The following DLGAP2 variants were observed in gnomAD, a reference collection of about 807,000 sequenced individuals.
DLGAP2 encodes the protein disks large-associated protein 2.
Under a neutral mutation model 100.3 loss-of-function variants are expected in DLGAP2, and 26 were observed. The observed-to-expected ratio is 0.26, with a 90% CI of 0.19 to 0.36. The LOEUF is 0.36. Among genes scored for constraint, DLGAP2 ranks in the 10% least tolerant of loss-of-function variants. DLGAP2 has a pLI of 1.00. For missense variants in DLGAP2, 1,858 were observed against 1,453.2 expected (o/e 1.28, Z -4.53); for synonymous variants, 886 against 630.1 (o/e 1.41, Z -6.08).
In DLGAP2 at chr8:770,873, C is replaced by CTT. The variant is rs33945325; in HGVS notation, c.18+33059_18+33060dup. Among the ~76,000 whole-genome samples the CTT allele has an allele frequency of 2.9e-3, 431 of 147,920 alleles. 3 individuals carry two copies. Among genetic ancestry groups the CTT allele is most frequent in the Middle Eastern group, 0.01 (3 of 288 alleles). ...TAATTTTGGTTTAGAAATTATGCCT[C>CTT]TTTTTTTTTTTTAAAGTAGAAGGAC... is the stretch of plus-strand genomic sequence containing the variant. On this transcript the variant is annotated intron_variant, in intron 1 of 14. Coordinates refer to ENST00000637795, the MANE Select transcript of DLGAP2 (RefSeq NM_001346810.2).
At chr8:987,582 A>G (rs574534217) in intron 2 of DLGAP2, among the ~76,000 whole-genome samples, 3 of 152,300 alleles carry the variant, frequency 2.0e-5, no homozygotes, top group African/African-American at 7.2e-5. Flanking sequence ...AAACTCAGCC[A>G]GCAAACAAAA....
At chr8:1,036,919 C>A (rs954351156) in intron 2 of DLGAP2, among the ~76,000 whole-genome samples, 1 of 152,008 alleles carries the variant, frequency 6.6e-6, no homozygotes, top group African/African-American at 2.4e-5. Flanking sequence ...AAGGTGTGAC[C>A]CCCTCCCGGC....
chr8:966,368 T>C (rs1799871300), intron 2 of DLGAP2, among the ~76,000 whole-genome samples: 1 of 152,194 alleles, frequency 6.6e-6, no homozygotes, highest in Non-Finnish European at 1.5e-5. Context: ...TAAGATGATT[T>C]TTTAAAATAT....
rs911111784 is a variant in DLGAP2 at position 1,155,351 on chromosome 8, A to T, written c.74-103500A>T. ...AGTCCCACCGCTTCCTGCGAGGGGCATCCGGGCTGGGGGGTCTCCCCGGAT... is the reference window on the plus strand; with the variant it reads ...AGTCCCACCGCTTCCTGCGAGGGGCTTCCGGGCTGGGGGGTCTCCCCGGAT... On this transcript the variant is annotated intron_variant, in intron 2 of 14. Coordinates refer to ENST00000637795, the MANE Select transcript of DLGAP2 (RefSeq NM_001346810.2). 1.2e-4 allele frequency among the ~76,000 whole-genome samples: 19 copies of T among 152,150 alleles called. 1 individual carries two copies. The highest frequency in any genetic ancestry group is 3.6e-4 in the African/African-American group (15 of 41,442).
At chr8:942,541 T>C (rs759940519) in intron 2 of DLGAP2, among the ~76,000 whole-genome samples, 6 of 152,248 alleles carry the variant, frequency 3.9e-5, no homozygotes, top group Admixed American at 6.5e-5. Flanking sequence ...CTAAACTCCA[T>C]AGATGACTTT....
At chr8:1,316,511 C>G (rs1242334047) in intron 3 of DLGAP2, among the ~76,000 whole-genome samples, 1 of 128,744 alleles carries the variant, frequency 7.8e-6, no homozygotes, top group Non-Finnish European at 1.7e-5. Context: ...CAACAGTGGT[C>G]TACACTCGAG....
chr8:893,582 GC>G (rs1318194729), intron 1 of DLGAP2, among the ~76,000 whole-genome samples: 2 of 152,212 alleles, frequency 1.3e-5, no homozygotes, highest in Non-Finnish European at 2.9e-5. Context: ...ATCCAGTGTG[GC>G]CCTGGGGCCG....
intron 3 of DLGAP2, among the ~76,000 whole-genome samples, chr8:1,467,870 A>G (rs1798668949): frequency 6.6e-6 from 1 of 150,698 alleles, no homozygotes; most frequent in African/African-American, 2.5e-5. Flanking sequence ...GAGATCCCAG[A>G]TCCCCCCTGG....
At chr8:1,209,108 A>T (rs1798053243) in intron 2 of DLGAP2, among the ~76,000 whole-genome samples, 1 of 152,154 alleles carries the variant, frequency 6.6e-6, no homozygotes. Flanking sequence ...TATCATTCCT[A>T]TCAAAATACC....
At chr8:1,501,217 C>A in intron 3 of DLGAP2, 149 bp from the exon 4 acceptor site, 1 of 783,742 alleles carries the variant, frequency 1.3e-6, no homozygotes, top group Admixed American at 2.6e-5. Flanking sequence ...GCACAAAATG[C>A]TGGGCTCTGA....
In DLGAP2 at chr8:1,102,801, C is replaced by A. The variant is rs534212232; in HGVS notation, c.74-156050C>A. 7.2e-5 allele frequency among the ~76,000 whole-genome samples: 11 copies of A among 151,972 alleles called. No individual in the cohort carries two copies. In the East Asian group the frequency reaches 1.8e-3, roughly 24 times the overall value. On this transcript the variant is annotated intron_variant, in intron 2 of 14. Coordinates refer to ENST00000637795, the MANE Select transcript of DLGAP2 (RefSeq NM_001346810.2). ...GAGAAAAAGGGGAAGAAAACACAGCCCTGGGGGAGGTGACGGGGCAGAAAA... is the reference window on the plus strand; with the variant it reads ...GAGAAAAAGGGGAAGAAAACACAGCACTGGGGGAGGTGACGGGGCAGAAAA...
At chr8:1,106,256 A>G (rs1360181775) in intron 2 of DLGAP2, among the ~76,000 whole-genome samples, 1 of 148,636 alleles carries the variant, frequency 6.7e-6, no homozygotes, top group Non-Finnish European at 1.5e-5. Flanking sequence ...TTTTCTATTG[A>G]AGGAGGGCAT....
chr8:1,000,949 T>C (rs947980116), intron 2 of DLGAP2, among the ~76,000 whole-genome samples: 2 of 152,126 alleles, frequency 1.3e-5, no homozygotes, highest in Admixed American at 1.3e-4. Flanking sequence ...GAAACTCCCC[T>C]CCAGGGATTT....
chr8:1,694,033 G>T (rs561633369), intron 13 of DLGAP2, among the ~76,000 whole-genome samples: 1 of 152,198 alleles, frequency 6.6e-6, no homozygotes, highest in Non-Finnish European at 1.5e-5. Context: ...AGCCCAAGGT[G>T]CATATTCAGA....
intron 1 of DLGAP2, among the ~76,000 whole-genome samples, chr8:874,539 A>G (rs1797655159): frequency 6.6e-6 from 1 of 152,158 alleles, no homozygotes; most frequent in South Asian, 2.1e-4. Context: ...TTGATTTCTA[A>G]TTTGATTCCA....
chr8:928,668 C>G (rs1171940129), intron 2 of DLGAP2, among the ~76,000 whole-genome samples: 1 of 152,112 alleles, frequency 6.6e-6, no homozygotes, highest in Non-Finnish European at 1.5e-5. Flanking sequence ...ACAGGTCCTC[C>G]TCTGCCCTTT....
At chr8:1,304,274 C>A (rs890677590) in intron 3 of DLGAP2, among the ~76,000 whole-genome samples, 5 of 152,226 alleles carry the variant, frequency 3.3e-5, no homozygotes, top group East Asian at 1.9e-4. Flanking sequence ...GGACACCGGC[C>A]ACCGTGGCCC....
chr8:1,279,766 C>T (rs1799778581), intron 3 of DLGAP2, among the ~76,000 whole-genome samples: 2 of 152,170 alleles, frequency 1.3e-5, no homozygotes, highest in Admixed American at 1.3e-4. Flanking sequence ...TCAAAGCCAG[C>T]AACAGAGCCA....
chr8:1,010,198 CA>C (rs1563142171), intron 2 of DLGAP2, among the ~76,000 whole-genome samples: 1 of 152,238 alleles, frequency 6.6e-6, no homozygotes, highest in Non-Finnish European at 1.5e-5. Flanking sequence ...CATGCATGCA[CA>C]TGTGCACACT....
Sources: allele counts gnomAD v4.1 joint callset (sites outside exome capture counted in the v4.1 genomes callset), GRCh38; gene constraint gnomAD v4.1.1; transcripts MANE v1.5; gene names NCBI Gene and HGNC (gene_info 2026-07-23, HGNC 2026-07-21).